The following SMAD2 variants were observed in gnomAD, a reference collection of about 807,000 sequenced individuals.
SMAD2 encodes the protein SMAD family member 2, also known as MAD homolog 2.
In SMAD2, 8 loss-of-function variants were observed where a neutral mutation model predicts 64.4. That is an observed-to-expected ratio of 0.12 (90% CI 0.07 to 0.22). The LOEUF is 0.22. SMAD2 is among the 10% of genes least tolerant of loss of function. SMAD2 has a pLI of 1.00. For synonymous variants in SMAD2, 203 were observed against 195.8 expected (o/e 1.04, Z -0.31); for missense variants, 289 against 561.2 (o/e 0.51, Z 4.90).
intron 1 of SMAD2, among the ~76,000 whole-genome samples, chr18:47,913,748 T>C (rs79460319): frequency 0.023 from 3,480 of 152,316 alleles, 68 homozygotes; most frequent in African/African-American, 0.056. Flanking sequence ...CAAGTTGCTA[T>C]CAAAACGTGA....
Position 47,828,127 on chromosome 18 carries a change from C to T in SMAD2, c.*13700G>A. ...GGAGGTGAGGAGCGTCTCTGCCCGG[C>T]CGCCCCGTCTGAGAAGTGAGGAGCC... On this transcript the variant is annotated 3_prime_UTR_variant, in exon 11 of 11. Transcript: ENST00000262160. 6.2e-6 allele frequency: 1 copy of T among 162,234 alleles called. No homozygotes were observed. The highest frequency in any genetic ancestry group is 1.3e-5 in the Non-Finnish European group (1 of 75,874). The allele number at this position is 162,234 out of a possible 1,614,324, so 10.0% of individuals were successfully genotyped here. A position where few individuals can be genotyped will look rare whatever the true frequency, so the allele number is the denominator to read the frequency against.
rs990892101 is a variant in SMAD2, at chr18:47,837,371, G to C, written c.*4456C>G. ...AGGTCAGGAGATCGAGACCATCCTG[G>C]CCAACACGGTGAAACCCCGTCTCTA... is the stretch of plus-strand genomic sequence containing the variant. On this transcript the variant is annotated 3_prime_UTR_variant, in exon 11 of 11. Transcript: ENST00000262160. 3.2e-5 allele frequency: 6 copies of C among 190,164 alleles called. No homozygotes were observed. Among genetic ancestry groups the C allele is most frequent in the Admixed American group, 6.2e-5 (1 of 16,190 alleles). 11.8% of individuals were successfully genotyped at this position (190,164 alleles called of 1,614,324 possible). A position where few individuals can be genotyped will look rare whatever the true frequency, so the allele number is the denominator to read the frequency against.
rs1185156217 is a variant in SMAD2 at position 47,829,752 on chromosome 18, A to G, written c.*12075T>C. On this transcript the variant is annotated 3_prime_UTR_variant, in exon 11 of 11. Coordinates refer to ENST00000262160, the MANE Select transcript of SMAD2 (RefSeq NM_005901.6). ...AATTGTTAGAGACTTTGAATCCTAA[A>G]ATTTAGTTTACCAAATGTAGCTTTT... is the stretch of plus-strand genomic sequence containing the variant. 6.6e-6 allele frequency: 1 copy of G among 152,222 alleles called. No individual in the cohort carries two copies. Among genetic ancestry groups the G allele is most frequent in the Non-Finnish European group, 1.5e-5 (1 of 68,046 alleles). 9.4% of individuals were successfully genotyped at this position (152,222 alleles called of 1,614,324 possible).
Position 47,840,826 on chromosome 18 carries a change from G to A in SMAD2, c.*1001C>T, listed in dbSNP as rs1421938406. The A allele has an allele frequency of 4.3e-6, 1 of 231,654 alleles. No homozygotes were observed. The highest frequency in any genetic ancestry group is 8.5e-6 in the Non-Finnish European group (1 of 117,170). 14.3% of individuals were successfully genotyped at this position (231,654 alleles called of 1,614,324 possible). A position where few individuals can be genotyped will look rare whatever the true frequency, so the allele number is the denominator to read the frequency against. On this transcript the variant is annotated 3_prime_UTR_variant, in exon 11 of 11. Coordinates refer to ENST00000262160, the MANE Select transcript of SMAD2 (RefSeq NM_005901.6). ...CTTTTTTAAAAAGGGATAAATATGTGGAAGTAATTCTAGCATATCCCTGAA... is the reference window on the plus strand; with the variant it reads ...CTTTTTTAAAAAGGGATAAATATGTAGAAGTAATTCTAGCATATCCCTGAA...
intron 1 of SMAD2, among the ~76,000 whole-genome samples, chr18:47,901,885 A>G (rs549860856): frequency 6.6e-6 from 1 of 152,292 alleles, no homozygotes; most frequent in Admixed American, 6.5e-5. Context: ...GAATTTGGCA[A>G]ATGTCTACGG....
At position 47,840,940 on chromosome 18, in the gene SMAD2, G is replaced by C. The variant is rs1913883251; in HGVS notation, c.*887C>G. 4.3e-6 allele frequency: 1 copy of C among 232,298 alleles called. No individual in the cohort carries two copies. The highest frequency in any genetic ancestry group is 8.5e-6 in the Non-Finnish European group (1 of 117,548). 14.4% of individuals were successfully genotyped at this position (232,298 alleles called of 1,614,324 possible). On this transcript the variant is annotated 3_prime_UTR_variant, in exon 11 of 11. Transcript: ENST00000262160. The stretch of plus-strand genomic sequence containing the variant: ...ATTATACAAGCCAATTATTCCTGTT[G>C]AAATTTGGGCATAAGACAAAGGGAC...
chr18:47,821,763 T>G lies in SMAD2; in HGVS notation c.*20064A>C, dbSNP rs1055822887. 3 of 152,218 alleles carry G rather than the reference T, an allele frequency of 2.0e-5. No individual in the cohort carries two copies. Among genetic ancestry groups the G allele is most frequent in the Admixed American group, 6.5e-5 (1 of 15,288 alleles). The allele number at this position is 152,218 out of a possible 1,614,324, so 9.4% of individuals were successfully genotyped here. The stretch of plus-strand genomic sequence containing the variant: ...AAGATAAATTCTTGTGTTTAAGTTT[T>G]TTTTTTGCTTGGGAAAAATGAAGCT... On this transcript the variant is annotated 3_prime_UTR_variant, in exon 11 of 11. Coordinates refer to ENST00000262160, the MANE Select transcript of SMAD2 (RefSeq NM_005901.6).
intron 6 of SMAD2, among the ~76,000 whole-genome samples, chr18:47,856,311 C>G (rs552061301): frequency 6.6e-6 from 1 of 152,012 alleles, no homozygotes; most frequent in African/African-American, 2.4e-5. Context: ...GTGTTGTATA[C>G]TGGAAATTTA....
chr18:47,885,350 T>C (rs1169978843), intron 2 of SMAD2, among the ~76,000 whole-genome samples: 3 of 152,054 alleles, frequency 2.0e-5, no homozygotes, highest in Non-Finnish European at 2.9e-5. Context: ...ATATGTTTAA[T>C]AGACACAGGA....
At position 47,850,243 on chromosome 18, in the gene SMAD2, ATATTATATATATTATGTATAATATATAT is replaced by A. The variant is rs1191204424; in HGVS notation, c.784+1003_784+1030del. Among the ~76,000 whole-genome samples the A allele has an allele frequency of 8.8e-4, 78 of 88,760 alleles. 7 individuals carry two copies. Among genetic ancestry groups the A allele is most frequent in the African/African-American group, 3.8e-3 (73 of 19,462 alleles). The allele number at this position is 88,760 out of a possible 152,430, so 58.2% of individuals were successfully genotyped here. A position where few individuals can be genotyped will look rare whatever the true frequency, so the allele number is the denominator to read the frequency against. ...ATGTATAATATATATTATATATTAT[ATATTATATATATTATGTATAATATATAT>A]TATATATTATATATATTATGTATAA... On this transcript the variant is annotated intron_variant, in intron 7 of 10. Transcript: ENST00000262160.
intron 5 of SMAD2, among the ~76,000 whole-genome samples, chr18:47,866,522 G>C (rs2031573628): frequency 6.6e-6 from 1 of 151,468 alleles, no homozygotes; most frequent in Non-Finnish European, 1.5e-5. Context: ...TAAAAATAAG[G>C]GTACATATTA....
At chr18:47,900,527 A>G (rs184544844) in intron 1 of SMAD2, among the ~76,000 whole-genome samples, 237 of 152,210 alleles carry the variant, frequency 1.6e-3, no homozygotes, top group Admixed American at 2.8e-3. Flanking sequence ...CAGTTTTGCT[A>G]AGTGGTCAAT....
intron 6 of SMAD2, among the ~76,000 whole-genome samples, chr18:47,852,724 T>TA (rs1000460498): frequency 6.6e-6 from 1 of 152,076 alleles, no homozygotes; most frequent in African/African-American, 2.4e-5. Context: ...TCTGGTAAAT[T>TA]ACACTTTCTT....
intron 1 of SMAD2, among the ~76,000 whole-genome samples, chr18:47,914,638 T>C (rs1209348012): frequency 6.6e-6 from 1 of 151,428 alleles, no homozygotes; most frequent in Non-Finnish European, 1.5e-5. Flanking sequence ...TTTTGCTAAG[T>C]CATAATGCCA....
chr18:47,838,876 T>TGA lies in SMAD2; in HGVS notation c.*2950_*2951insTC, dbSNP rs1913679390. The stretch of plus-strand genomic sequence containing the variant: ...AAAGCATGGCCATTCGGTTCTCAGG[T>TGA]CATCATTCCTAGAAAATTAACAGTA... On this transcript the variant is annotated 3_prime_UTR_variant, in exon 11 of 11. Coordinates refer to ENST00000262160, the MANE Select transcript of SMAD2 (RefSeq NM_005901.6). 1 of 232,872 alleles carries TGA rather than the reference T, an allele frequency of 4.3e-6. No individual in the cohort carries two copies. The highest frequency in any genetic ancestry group is 8.5e-6 in the Non-Finnish European group (1 of 117,868). 14.4% of individuals were successfully genotyped at this position (232,872 alleles called of 1,614,324 possible).
rs1345859545 is a variant in SMAD2 at position 47,817,453 on chromosome 18, A to G, written c.*24374T>C. On this transcript the variant is annotated 3_prime_UTR_variant, in exon 11 of 11. Coordinates refer to ENST00000262160, the MANE Select transcript of SMAD2 (RefSeq NM_005901.6). ...TAAAGACAAGTGTCCCTCTGGTTTG[A>G]GTACTCTGGATTTAAAAACAATTTT... 3 of 152,112 alleles carry G rather than the reference A, an allele frequency of 2.0e-5. No individual in the cohort carries two copies. The highest frequency in any genetic ancestry group is 7.2e-5 in the African/African-American group (3 of 41,428). The allele number at this position is 152,112 out of a possible 1,614,324, so 9.4% of individuals were successfully genotyped here. A position where few individuals can be genotyped will look rare whatever the true frequency, so the allele number is the denominator to read the frequency against.
intron 2 of SMAD2, among the ~76,000 whole-genome samples, chr18:47,878,725 C>G (rs533983800): frequency 1.3e-5 from 2 of 152,320 alleles, no homozygotes; most frequent in South Asian, 4.1e-4. Context: ...TCCAACTTCT[C>G]AGATACTTCC....
chr18:47,880,330 G>A (rs1001613865), intron 2 of SMAD2, among the ~76,000 whole-genome samples: 2 of 152,142 alleles, frequency 1.3e-5, no homozygotes, highest in African/African-American at 4.8e-5. Flanking sequence ...GTGTAAGGTG[G>A]AGTCATGTTC....
chr18:47,895,321 G>A (rs1316067005), intron 2 of SMAD2: 1 of 152,146 alleles, frequency 6.6e-6, no homozygotes, highest in African/African-American at 2.4e-5. Context: ...TCCCTCAGTT[G>A]GCTGCTGCTT....
Sources: allele counts gnomAD v4.1 joint callset (sites outside exome capture counted in the v4.1 genomes callset), GRCh38; gene constraint gnomAD v4.1.1; transcripts MANE v1.5; gene names NCBI Gene and HGNC (gene_info 2026-07-23, HGNC 2026-07-21).